SNX29: variants seen among roughly 807,000 people sequenced by gnomAD.
SNX29 encodes the protein sorting nexin-29.
SNX29 carries 78 observed loss-of-function variants against 102.1 expected under a neutral mutation model. The ratio of observed to expected loss-of-function variants is 0.76; its 90% CI spans 0.64 to 0.92. The LOEUF (loss-of-function observed/expected upper bound fraction) is 0.92, where lower values mean the gene tolerates loss of function less well. Ranked by LOEUF, SNX29 falls within the 40% of genes least tolerant of loss-of-function variation. The pLI is 0.00. For missense variants in SNX29, 1,280 were observed against 1,061.7 expected (o/e 1.21, Z -2.86); for synonymous variants, 580 against 414.5 (o/e 1.40, Z -4.85).
intron 15 of SNX29, among the ~76,000 whole-genome samples, chr16:12,320,730 A>T (rs2080904725): frequency 6.6e-6 from 1 of 152,210 alleles, no homozygotes; most frequent in Admixed American, 6.5e-5. Context: ...GGCCGATAAG[A>T]GAACAACATC....
chr16:12,451,443 G>C (rs976705862), intron 18 of SNX29, among the ~76,000 whole-genome samples: 8 of 152,246 alleles, frequency 5.3e-5, no homozygotes, highest in Non-Finnish European at 8.8e-5. Context: ...TAATGATCCG[G>C]TGGCTGCCCA....
chr16:12,507,934 A>G (rs567736393), intron 19 of SNX29, among the ~76,000 whole-genome samples: 1 of 152,304 alleles, frequency 6.6e-6, no homozygotes, highest in African/African-American at 2.4e-5. Context: ...GAGCTTTTGC[A>G]GACCTCTCCT....
intron 20 of SNX29, among the ~76,000 whole-genome samples, chr16:12,556,992 T>TAC (rs2078400278): frequency 7.0e-6 from 1 of 142,112 alleles, no homozygotes; most frequent in East Asian, 2.1e-4. Flanking sequence ...GGACAACAGG[T>TAC]ACACACCACA....
intron 20 of SNX29, among the ~76,000 whole-genome samples, chr16:12,550,815 T>G (rs188720114): frequency 5.7e-4 from 87 of 152,326 alleles, no homozygotes; most frequent in African/African-American, 2.0e-3. Context: ...AGAATATGTG[T>G]TAATTTACCT....
chr16:12,443,712 A>G (rs566854298), intron 18 of SNX29, among the ~76,000 whole-genome samples: 156 of 152,324 alleles, frequency 1.0e-3, no homozygotes, highest in Non-Finnish European at 1.6e-3. Context: ...TGGCCTCCCA[A>G]AGTGCTGGAA....
intron 20 of SNX29, among the ~76,000 whole-genome samples, chr16:12,537,149 C>G (rs555505651): frequency 6.6e-6 from 1 of 152,248 alleles, no homozygotes; most frequent in Non-Finnish European, 1.5e-5. Flanking sequence ...GAGGCTGGGA[C>G]TCTGGGATCT....
intron 18 of SNX29, among the ~76,000 whole-genome samples, chr16:12,422,436 C>CAT (rs1214604728): frequency 3.9e-5 from 6 of 152,326 alleles, no homozygotes; most frequent in Admixed American, 3.9e-4. Flanking sequence ...GACTTGGTAA[C>CAT]ATAACTGTTA....
At chr16:12,476,393 T>TATATAC (rs2087620637) in intron 18 of SNX29, among the ~76,000 whole-genome samples, 1 of 16,074 alleles carries the variant, frequency 6.2e-5, no homozygotes, top group Non-Finnish European at 9.1e-5. Context: ...AATATATATA[T>TATATAC]ATATATATAT....
At chr16:11,985,854 A>G (rs1363601055) in intron 1 of SNX29, among the ~76,000 whole-genome samples, 2 of 143,154 alleles carry the variant, frequency 1.4e-5, no homozygotes, top group Admixed American at 7.1e-5. Flanking sequence ...TTTTTTTGAG[A>G]TAGAGTCTTG....
chr16:12,219,920 G>A (rs1425067314), intron 14 of SNX29, among the ~76,000 whole-genome samples: 3 of 152,184 alleles, frequency 2.0e-5, no homozygotes, highest in Non-Finnish European at 2.9e-5. Flanking sequence ...GCCCCCCAGC[G>A]CACACACGTG....
intron 13 of SNX29, among the ~76,000 whole-genome samples, chr16:12,156,729 C>T (rs1040611402): frequency 1.8e-4 from 27 of 152,214 alleles, no homozygotes; most frequent in Middle Eastern, 3.2e-3. Context: ...GCTGTCCAGC[C>T]GACTTGGCCA....
intron 18 of SNX29, among the ~76,000 whole-genome samples, chr16:12,442,316 A>G (rs2085843536): frequency 6.6e-6 from 1 of 151,946 alleles, no homozygotes; most frequent in Non-Finnish European, 1.5e-5. Flanking sequence ...AGTCTTGATT[A>G]CTCTGGCTTA....
chr16:12,070,082 G>A (rs1614512), intron 10 of SNX29, among the ~76,000 whole-genome samples: 1 of 152,202 alleles, frequency 6.6e-6, no homozygotes, highest in Non-Finnish European at 1.5e-5. Context: ...GAAGGGCTTA[G>A]TATGCTGTCT....
intron 13 of SNX29, among the ~76,000 whole-genome samples, chr16:12,141,188 A>G (rs1240625656): frequency 6.6e-6 from 1 of 152,248 alleles, no homozygotes; most frequent in East Asian, 1.9e-4. Flanking sequence ...GTCAGTATAT[A>G]TGAAAGGCAT....
intron 20 of SNX29, among the ~76,000 whole-genome samples, chr16:12,559,361 T>A (rs1290461631): frequency 2.0e-5 from 3 of 151,526 alleles, no homozygotes; most frequent in African/African-American, 7.3e-5. Flanking sequence ...TACGAGAATC[T>A]CATGCCTGAT....
intron 19 of SNX29, among the ~76,000 whole-genome samples, chr16:12,518,686 C>T (rs1180058674): frequency 1.3e-5 from 2 of 152,208 alleles, no homozygotes; most frequent in Non-Finnish European, 2.9e-5. Context: ...GGAAAAGGAT[C>T]CCAGCTAAAC....
intron 19 of SNX29, 29 bp downstream of exon 19, chr16:12,477,888 G>A (rs2087729610): frequency 6.4e-7 from 1 of 1,554,242 alleles, no homozygotes; most frequent in Non-Finnish European, 8.7e-7. Context: ...AAGCCCACTT[G>A]TCACTGCCTG....
At chr16:12,481,741 G>C (rs2087945964) in intron 19 of SNX29, among the ~76,000 whole-genome samples, 1 of 152,132 alleles carries the variant, frequency 6.6e-6, no homozygotes, top group African/African-American at 2.4e-5. Context: ...TGCCATGTTG[G>C]CCAGGCTGTT....
chr16:12,021,607 G>A (rs1014078071), intron 3 of SNX29, among the ~76,000 whole-genome samples: 18 of 152,116 alleles, frequency 1.2e-4, no homozygotes, highest in African/African-American at 4.1e-4. Flanking sequence ...TATAGGACAG[G>A]CTGGGCTTGG....
Sources: gnomAD v4.1 joint callset for allele counts (sites outside exome capture counted in the v4.1 genomes callset) on GRCh38, gnomAD v4.1.1 for gene constraint, MANE v1.5 for transcripts, NCBI Gene and HGNC (gene_info 2026-07-23, HGNC 2026-07-21) for gene names.